Variants in PPP2R5C observed in about 807,000 individuals in gnomAD.
PPP2R5C encodes the protein serine/threonine-protein phosphatase 2A 56 kDa regulatory subunit gamma isoform.
PPP2R5C carries 7 observed loss-of-function variants against 68.9 expected under a neutral mutation model. That is an observed-to-expected ratio of 0.10 (90% confidence interval 0.06 to 0.19). The LOEUF is 0.19. Ranked by LOEUF, PPP2R5C falls within the 10% of genes least tolerant of loss-of-function variation. PPP2R5C has a pLI of 1.00. For synonymous variants in PPP2R5C, 210 were observed against 222.2 expected, an observed-to-expected ratio of 0.95 and a Z score of 0.49; for missense variants, 348 against 641.3, an observed-to-expected ratio of 0.54 and a Z score of 4.94.
Position 101,889,869 on chromosome 14 carries a change from T to G in PPP2R5C, c.630-368T>G, listed in dbSNP as rs990432628. On this transcript the variant is annotated intron_variant, in intron 5 of 13. Transcript: ENST00000334743. The stretch of plus-strand genomic sequence containing the variant: ...AACGTAAGATGGATTAATGAACGAG[T>G]AAAAGATGGATGAACAGATGTGCGT... The G allele has an allele frequency of 1.5e-5, 6 of 411,156 alleles. No homozygotes were observed. The Middle Eastern group carries it at 1.1e-3, about 72-fold the overall frequency. 25.5% of individuals were successfully genotyped at this position (411,156 alleles called of 1,614,324 possible). A position where few individuals can be genotyped will look rare whatever the true frequency, so the allele number is the denominator to read the frequency against.
At chr14:101,918,834 T>A (rs1196547018) in intron 13 of PPP2R5C, among the ~76,000 whole-genome samples, 1 of 149,772 alleles carries the variant, frequency 6.7e-6, no homozygotes, top group Non-Finnish European at 1.5e-5. Context: ...TCCCTCCCTG[T>A]TTCAAATGCC....
chr14:101,839,738 T>G (rs998387268), intron 1 of PPP2R5C, among the ~76,000 whole-genome samples: 1 of 152,248 alleles, frequency 6.6e-6, no homozygotes, highest in Non-Finnish European at 1.5e-5. Flanking sequence ...TGACTTGATT[T>G]ATTGAATCGT....
chr14:101,768,446 A>T (rs998086609), intron 2 of PPP2R5C, among the ~76,000 whole-genome samples: 1 of 152,350 alleles, frequency 6.6e-6, no homozygotes, highest in South Asian at 2.1e-4. Flanking sequence ...GAACGTTTTT[A>T]AATAGTTCAT....
chr14:101,797,671 G>C lies in PPP2R5C; in HGVS notation c.259+11488G>C, dbSNP rs2038678522. On this transcript the variant is annotated intron_variant, in intron 3 of 14. Coordinates refer to the PPP2R5C transcript ENST00000328724. This position sits in a 1 kb window ranked among gnomAD's most constrained non-coding sequence, Gnocchi z 4.2. Reference sequence around the variant, plus strand: ...TAAAAGGGTGTCGGCAAGTTGGCAAGTTAAAAAAAAAAACAATCAGCATGA... The same window carrying C: ...TAAAAGGGTGTCGGCAAGTTGGCAACTTAAAAAAAAAAACAATCAGCATGA... 2 of 168,744 alleles carry C rather than the reference G, an allele frequency of 1.2e-5. No homozygotes were observed. The highest frequency in any genetic ancestry group is 1.4e-4 in the South Asian group (1 of 6,986). 10.5% of individuals were successfully genotyped at this position (168,744 alleles called of 1,614,324 possible).
intron 5 of PPP2R5C, among the ~76,000 whole-genome samples, chr14:101,889,324 CCAAT>C (rs2044708280): frequency 6.6e-6 from 1 of 152,188 alleles, no homozygotes; most frequent in Non-Finnish European, 1.5e-5. Flanking sequence ...CTGCTCTAGA[CCAAT>C]CCCAGGTGCA....
chr14:101,784,835 A>G (rs1312630936), intron 2 of PPP2R5C, among the ~76,000 whole-genome samples: 1 of 152,132 alleles, frequency 6.6e-6, no homozygotes, highest in African/African-American at 2.4e-5. Flanking sequence ...TCACTGCTGG[A>G]TAGTGGTCGC....
intron 1 of PPP2R5C, chr14:101,819,085 G>A (rs1389622474): frequency 1.3e-6 from 2 of 1,544,452 alleles, no homozygotes; most frequent in Admixed American, 2.0e-5. Flanking sequence ...TCAAGGAAGA[G>A]GTGGGTGGTG....
intron 1 of PPP2R5C, among the ~76,000 whole-genome samples, chr14:101,844,342 T>C (rs969193569): frequency 6.6e-6 from 1 of 152,078 alleles, no homozygotes; most frequent in African/African-American, 2.4e-5. Flanking sequence ...TCCCCAGAGA[T>C]TGGACACACA....
At chr14:101,889,902 A>G (rs1426069275) in intron 5 of PPP2R5C, 1 of 470,720 alleles carries the variant, frequency 2.1e-6, no homozygotes, top group Admixed American at 2.6e-5. Flanking sequence ...CGTGTGATCA[A>G]GCAGATGGAG....
At chr14:101,926,069 A>G (rs1369924475) in exon 14 of PPP2R5C, 2 of 152,286 alleles carry the variant, frequency 1.3e-5, no homozygotes, top group Non-Finnish European at 2.9e-5. Context: ...TTATTTGCAG[A>G]TTTCGTTTCC....
At position 101,918,094 on chromosome 14, in the gene PPP2R5C, A is replaced by G. The variant is rs1193033696; in HGVS notation, c.1443+147A>G. On this transcript the variant is annotated intron_variant, in intron 13 of 13. Transcript: ENST00000334743. ...TTGCTAGTCTTATAGGAAACATTGT[A>G]TCGATAGATCTTAGTGATCAAATTA... The G allele has an allele frequency of 8.9e-6, 10 of 1,127,324 alleles. No homozygotes were observed. In the East Asian group the frequency reaches 1.3e-4, roughly 15 times the overall value. The allele number at this position is 1,127,324 out of a possible 1,614,324, so 69.8% of individuals were successfully genotyped here.
intron 12 of PPP2R5C, chr14:101,914,122 C>T (rs1445275824): frequency 4.5e-6 from 2 of 449,226 alleles, no homozygotes; most frequent in African/African-American, 4.0e-5. Flanking sequence ...TCTCAAGTAA[C>T]TTTCTGTATT....
chr14:101,761,761 A>G, upstream of PPP2R5C: 1 of 961,632 alleles, frequency 1.0e-6, no homozygotes, highest in African/African-American at 2.0e-5. Context: ...AAGCGAGAGC[A>G]AGCGAAAGAC....
chr14:101,795,231 C>G (rs1188687170), intron 3 of PPP2R5C, among the ~76,000 whole-genome samples: 1 of 152,180 alleles, frequency 6.6e-6, no homozygotes, highest in African/African-American at 2.4e-5. Context: ...AAAGAGCAGG[C>G]ATTTTCAAAA....
At chr14:101,817,268 T>C (rs1327911721) in intron 1 of PPP2R5C, among the ~76,000 whole-genome samples, 3 of 152,154 alleles carry the variant, frequency 2.0e-5, no homozygotes, top group Admixed American at 6.6e-5. Context: ...GAAATATATT[T>C]TTAAAAAATA....
At chr14:101,807,003 C>T (rs949762862), upstream of PPP2R5C, among the ~76,000 whole-genome samples, 11 of 152,158 alleles carry the variant, frequency 7.2e-5, no homozygotes, top group East Asian at 1.9e-3. Flanking sequence ...TTAATATGAG[C>T]GCTATTCCTG....
chr14:101,798,226 A>G (rs2038705676), intron 3 of PPP2R5C, among the ~76,000 whole-genome samples: 2 of 152,164 alleles, frequency 1.3e-5, no homozygotes, highest in Non-Finnish European at 1.5e-5. Flanking sequence ...CTCTAGGTTC[A>G]GAACACCAGC....
chr14:101,808,560 G>A (rs2039172293), upstream of PPP2R5C, among the ~76,000 whole-genome samples: 1 of 152,186 alleles, frequency 6.6e-6, no homozygotes, highest in African/African-American at 2.4e-5. Context: ...CTGAAGGGCG[G>A]TAGCAGTTCC....
intron 2 of PPP2R5C, among the ~76,000 whole-genome samples, chr14:101,859,691 G>A (rs2042643863): frequency 1.3e-5 from 2 of 152,300 alleles, no homozygotes; most frequent in South Asian, 4.1e-4. Flanking sequence ...TAAGCAACCA[G>A]TACAAGGCCT....
Sources: allele counts gnomAD v4.1 joint callset (sites outside exome capture counted in the v4.1 genomes callset), GRCh38; gene constraint gnomAD v4.1.1; non-coding constraint Gnocchi (gnomAD v3.1); transcripts MANE v1.5; gene names NCBI Gene and HGNC (gene_info 2026-07-23, HGNC 2026-07-21).